FGF12: variants seen among roughly 807,000 people sequenced by gnomAD.
FGF12 encodes the protein fibroblast growth factor 12.
Under a neutral mutation model 23.6 loss-of-function variants are expected in FGF12, and 14 were observed. The ratio of observed to expected loss-of-function variants is 0.59; its 90% CI spans 0.39 to 0.93. The LOEUF is 0.93. FGF12 is among the 40% of genes least tolerant of loss of function. FGF12 has a pLI of 0.00. For synonymous variants in FGF12, 62 were observed against 77.3 expected (o/e 0.80, Z 1.04); for missense variants, 175 against 217.8 (o/e 0.80, Z 1.24).
At chr3:192,329,006 A>G (rs1716971968) in intron 4 of FGF12, among the ~76,000 whole-genome samples, 1 of 152,208 alleles carries the variant, frequency 6.6e-6, no homozygotes, top group African/African-American at 2.4e-5. Context: ...TTGTGCAACA[A>G]TTGTATGAAA....
At chr3:192,724,424 G>A (rs1391843581) in intron 2 of FGF12, among the ~76,000 whole-genome samples, 1 of 152,136 alleles carries the variant, frequency 6.6e-6, no homozygotes, top group Non-Finnish European at 1.5e-5. Flanking sequence ...TGCCATCTCA[G>A]GATGAGTATG....
intron 2 of FGF12, among the ~76,000 whole-genome samples, chr3:192,617,571 G>A (rs1306468925): frequency 1.3e-5 from 2 of 152,106 alleles, no homozygotes; most frequent in Non-Finnish European, 2.9e-5. Flanking sequence ...GGCATCATAA[G>A]GCACTATTTA....
chr3:192,266,106 C>T (rs1177191423), intron 4 of FGF12, among the ~76,000 whole-genome samples: 1 of 150,504 alleles, frequency 6.6e-6, no homozygotes, highest in Non-Finnish European at 1.5e-5. Context: ...ACTGGTCCTT[C>T]GAAGGCAAAA....
intron 2 of FGF12, among the ~76,000 whole-genome samples, chr3:192,382,005 T>C (rs1719836338): frequency 6.6e-6 from 1 of 151,986 alleles, no homozygotes; most frequent in East Asian, 1.9e-4. Context: ...TTTTTTTTTT[T>C]TTCTTTTTTG....
intron 2 of FGF12, among the ~76,000 whole-genome samples, chr3:192,609,287 G>C (rs1382964289): frequency 6.6e-6 from 1 of 152,038 alleles, no homozygotes; most frequent in Non-Finnish European, 1.5e-5. Context: ...AGATTTTCCT[G>C]AAGCCAATCA....
chr3:192,196,603 C>T (rs748743235), intron 4 of FGF12, among the ~76,000 whole-genome samples: 9 of 151,962 alleles, frequency 5.9e-5, no homozygotes, highest in Non-Finnish European at 1.3e-4. Flanking sequence ...ACATGTTTGG[C>T]TGTAAAGAAT....
intron 3 of FGF12, among the ~76,000 whole-genome samples, chr3:192,356,304 T>A (rs1269489675): frequency 2.0e-5 from 3 of 152,104 alleles, no homozygotes; most frequent in African/African-American, 4.8e-5. Flanking sequence ...GGCAGCCCAT[T>A]CCATATCAAA....
intron 2 of FGF12, among the ~76,000 whole-genome samples, chr3:192,626,215 A>G (rs955874623): frequency 3.3e-5 from 5 of 152,092 alleles, no homozygotes; most frequent in Admixed American, 2.0e-4. Context: ...TATCATCTCA[A>G]TCTTTTGAAA....
chr3:192,314,051 C>T (rs1716098221), intron 4 of FGF12, among the ~76,000 whole-genome samples: 1 of 152,146 alleles, frequency 6.6e-6, no homozygotes, highest in African/African-American at 2.4e-5. Flanking sequence ...CTGCCCACCA[C>T]CACGTGAGTG....
chr3:192,145,457 C>T (rs1178093889), intron 5 of FGF12, among the ~76,000 whole-genome samples: 1 of 152,028 alleles, frequency 6.6e-6, no homozygotes, highest in Non-Finnish European at 1.5e-5. Context: ...TAAATGTTAC[C>T]GTACATGGGA....
chr3:192,695,927 C>G (rs1718106387), intron 2 of FGF12, among the ~76,000 whole-genome samples: 1 of 152,014 alleles, frequency 6.6e-6, no homozygotes, highest in Admixed American at 6.6e-5. Context: ...GGTGAAACCC[C>G]ATCTCTACTA....
intron 4 of FGF12, among the ~76,000 whole-genome samples, chr3:192,271,862 T>C (rs1713458701): frequency 6.6e-6 from 1 of 152,148 alleles, no homozygotes; most frequent in Non-Finnish European, 1.5e-5. Flanking sequence ...AAAAGAAGTA[T>C]CCCAAAGGAT....
intron 2 of FGF12, among the ~76,000 whole-genome samples, chr3:192,559,566 TTAA>T (rs1210246205): frequency 6.6e-6 from 1 of 151,936 alleles, no homozygotes; most frequent in African/African-American, 2.4e-5. Flanking sequence ...AGAACACTGA[TTAA>T]TAATGATGTG....
At chr3:192,483,382 C>T (rs544055444) in intron 2 of FGF12, among the ~76,000 whole-genome samples, 4 of 151,918 alleles carry the variant, frequency 2.6e-5, no homozygotes, top group Non-Finnish European at 5.9e-5. Context: ...CTCTTAAAAG[C>T]GAAACCAAAC....
intron 2 of FGF12, among the ~76,000 whole-genome samples, chr3:192,487,792 T>C (rs148428910): frequency 1.2e-4 from 19 of 152,236 alleles, no homozygotes; most frequent in African/African-American, 4.1e-4. Context: ...CTGGAAAGTA[T>C]GCAATTTAGT....
At chr3:192,587,212 C>T (rs73060526) in intron 2 of FGF12, among the ~76,000 whole-genome samples, 5,692 of 151,876 alleles carry the variant, frequency 0.037, 285 homozygotes, top group African/African-American at 0.11. Flanking sequence ...CCACTTAATC[C>T]TCAATGTAGA....
chr3:192,658,398 C>T (rs1185790242), intron 2 of FGF12, among the ~76,000 whole-genome samples: 2 of 152,102 alleles, frequency 1.3e-5, no homozygotes, highest in Non-Finnish European at 2.9e-5. Flanking sequence ...GAGAACGTTC[C>T]CTTGGGTACC....
chr3:192,592,675 C>A (rs1469850988), intron 2 of FGF12, among the ~76,000 whole-genome samples: 2 of 151,714 alleles, frequency 1.3e-5, no homozygotes, highest in Middle Eastern at 3.4e-3. Flanking sequence ...CAGAAAAAAA[C>A]AAAACAAAAA....
rs11394352 is a variant in FGF12, at chr3:192,167,731, GTATATATATATATATATA to G, written c.427+2709_427+2726del. Among the ~76,000 whole-genome samples the G allele has an allele frequency of 5.7e-3, 144 of 25,048 alleles. 5 individuals carry two copies. The highest frequency in any genetic ancestry group is 7.7e-3 in the Non-Finnish European group (123 of 16,058). The allele number at this position is 25,048 out of a possible 152,430, so 16.4% of individuals were successfully genotyped here. On this transcript the variant is annotated intron_variant, in intron 5 of 5. Coordinates refer to ENST00000445105, the MANE Select transcript of FGF12 (RefSeq NM_004113.6). ...CTAAAATTAGGAGGGTAGGTTATAG[GTATATATATATATATATA>G]TATATATATATATATATATAAAATT...
Sources: allele counts gnomAD v4.1 joint callset (sites outside exome capture counted in the v4.1 genomes callset), GRCh38; gene constraint gnomAD v4.1.1; transcripts MANE v1.5; gene names NCBI Gene and HGNC (gene_info 2026-07-23, HGNC 2026-07-21).